VIPR1: variants seen among roughly 807,000 people sequenced by gnomAD.
VIPR1 encodes the protein vasoactive intestinal peptide receptor 1, also known as vasoactive intestinal polypeptide receptor 1.
Under a neutral mutation model 58.8 loss-of-function variants are expected in VIPR1, and 59 were observed. The observed-to-expected ratio is 1.00, with a 90% CI of 0.81 to 1.25. VIPR1 has a LOEUF of 1.25. Ranked by LOEUF, VIPR1 falls within the 50% of genes most tolerant of loss-of-function variation. The pLI, the probability that VIPR1 is intolerant of heterozygous loss-of-function variation, is 0.00. For missense variants in VIPR1, 626 were observed against 602.7 expected (o/e 1.04, Z -0.40); for synonymous variants, 251 against 242.1 (o/e 1.04, Z -0.34).
chr3:42,513,960 G>T, intron 2 of VIPR1, 106 bp downstream of exon 2: 2 of 1,273,086 alleles, frequency 1.6e-6, no homozygotes, highest in Non-Finnish European at 2.2e-6. Flanking sequence ...TTTATTGGAT[G>T]ATGGTGAGGA....
chr3:42,522,410 A>C (rs1185346768), intron 3 of VIPR1, among the ~76,000 whole-genome samples: 2 of 152,066 alleles, frequency 1.3e-5, no homozygotes, highest in Non-Finnish European at 2.9e-5. Context: ...CCTGGCCTCT[A>C]CTTTCAAATA....
At chr3:42,511,718 G>C (rs941770596) in intron 1 of VIPR1, 1 of 152,216 alleles carries the variant, frequency 6.6e-6, no homozygotes, top group Non-Finnish European at 1.5e-5. Context: ...ATGGTACCTT[G>C]GTGAGAAATG....
chr3:42,532,202 T>C, intron 9 of VIPR1, 40 bp from the exon 10 acceptor site: 1 of 1,599,726 alleles, frequency 6.3e-7, no homozygotes, highest in African/African-American at 1.3e-5. Flanking sequence ...ACCTCAGCCT[T>C]CCCGCTCTGA....
At position 42,527,461 on chromosome 3, in the gene VIPR1, C is replaced by A; in HGVS notation, c.468C>A (p.Thr156=). 6 of 1,614,030 alleles carry A rather than the reference C, an allele frequency of 3.7e-6. No individual in the cohort carries two copies. The highest frequency in any genetic ancestry group is 4.2e-6 in the Non-Finnish European group (5 of 1,179,980). Reference sequence around the variant, plus strand: ...TTGGCTACGGCCTGTCCCTCGCCACCCTTCTGGTCGCCACAGCTATCCTGA... The same window carrying A: ...TTGGCTACGGCCTGTCCCTCGCCACACTTCTGGTCGCCACAGCTATCCTGA... ...YTIGYGLSLA[T]LLVATAILSL... is the part of the protein sequence containing the mutation. The change falls in exon 5 of 13, where the codon ACC becomes ACA. Residue 156 remains threonine, a synonymous_variant. Transcript: ENST00000325123.
At chr3:42,510,163 G>A (rs1309792989) in intron 1 of VIPR1, among the ~76,000 whole-genome samples, 1 of 152,184 alleles carries the variant, frequency 6.6e-6, no homozygotes, top group Non-Finnish European at 1.5e-5. Flanking sequence ...TCACAGCCTT[G>A]CATGTATTAG....
At chr3:42,505,257 A>G (rs1265029797) in intron 1 of VIPR1, among the ~76,000 whole-genome samples, 1 of 152,226 alleles carries the variant, frequency 6.6e-6, no homozygotes, top group Non-Finnish European at 1.5e-5. Context: ...TGCCCTAAAG[A>G]GTTTGACCAG....
intron 6 of VIPR1, 175 bp downstream of exon 6, chr3:42,528,298 A>C: frequency 3.7e-6 from 3 of 817,166 alleles, no homozygotes; most frequent in East Asian, 2.8e-5. Context: ...TACTCAAATC[A>C]CACTCCCCTC....
Position 42,504,748 on chromosome 3 carries a change from G to A in VIPR1, c.78+1935G>A, listed in dbSNP as rs185742082. On this transcript the variant is annotated intron_variant, in intron 1 of 12. Coordinates refer to ENST00000325123, the MANE Select transcript of VIPR1 (RefSeq NM_004624.4). ...GGGCAAACCTGCTCTAGCCGGACTC[G>A]GTGTGACGGCGGGGTGGGGGGGCGG... Among the ~76,000 whole-genome samples the A allele has an allele frequency of 2.4e-4, 35 of 144,594 alleles. 1 individual carries two copies. The highest frequency in any genetic ancestry group is 6.9e-3 in the Middle Eastern group (2 of 288). 94.9% of individuals were successfully genotyped at this position (144,594 alleles called of 152,430 possible).
intron 2 of VIPR1, among the ~76,000 whole-genome samples, chr3:42,518,379 C>A (rs1700737693): frequency 6.6e-6 from 1 of 152,154 alleles, no homozygotes; most frequent in South Asian, 2.1e-4. Context: ...AAAATACAAT[C>A]TTCCCTCCCT....
At chr3:42,528,202 C>T (rs1023406678) in intron 6 of VIPR1, 79 bp downstream of exon 6, 1 of 1,536,192 alleles carries the variant, frequency 6.5e-7, no homozygotes, top group Non-Finnish European at 8.8e-7. Context: ...TCTCCCCCTG[C>T]TTCTCCCTCT....
At chr3:42,512,784 G>A in intron 1 of VIPR1, 1 of 985,452 alleles carries the variant, frequency 1.0e-6, no homozygotes, top group Non-Finnish European at 1.2e-6. Flanking sequence ...GGGTTGCCGG[G>A]GCCAGCAACC....
chr3:42,527,858 C>T, intron 5 of VIPR1, 133 bp from the exon 6 acceptor site: 1 of 1,303,400 alleles, frequency 7.7e-7, no homozygotes, highest in Non-Finnish European at 1.1e-6. Flanking sequence ...GATGGGATCC[C>T]CTTTGAGGCG....
chr3:42,527,461 C>T lies in VIPR1; in HGVS notation c.468C>T (p.Thr156=), dbSNP rs1701294301. 1 of 1,614,030 alleles carries T rather than the reference C, an allele frequency of 6.2e-7. No individual in the cohort carries two copies. The highest frequency in any genetic ancestry group is 8.5e-7 in the Non-Finnish European group (1 of 1,179,980). Residue 156 remains threonine (T), a synonymous_variant, in exon 5 of 13, where the codon ACC becomes ACT. Coordinates refer to ENST00000325123, the MANE Select transcript of VIPR1 (RefSeq NM_004624.4). The part of the protein sequence containing the change: ...YTIGYGLSLA[T]LLVATAILSL... ...TTGGCTACGGCCTGTCCCTCGCCAC[C>T]CTTCTGGTCGCCACAGCTATCCTGA...
chr3:42,532,675 T>C (rs1701634274), intron 10 of VIPR1: 1 of 385,706 alleles, frequency 2.6e-6, no homozygotes, highest in Admixed American at 3.7e-5. Flanking sequence ...GTGCCTCACA[T>C]GGAAAAAGGG....
intron 2 of VIPR1, among the ~76,000 whole-genome samples, chr3:42,517,048 G>A (rs777763715): frequency 2.6e-5 from 4 of 152,212 alleles, no homozygotes; most frequent in Non-Finnish European, 5.9e-5. Context: ...GGCCACAAGA[G>A]CCCTCAAGAC....
In VIPR1 at chr3:42,536,418, TC is replaced by T; in HGVS notation, c.*138del. The T allele has an allele frequency of 1.0e-6, 1 of 954,934 alleles. No individual in the cohort carries two copies. The allele number at this position is 954,934 out of a possible 1,614,324, so 59.2% of individuals were successfully genotyped here. A position where few individuals can be genotyped will look rare whatever the true frequency, so the allele number is the denominator to read the frequency against. On this transcript the variant is annotated 3_prime_UTR_variant, in exon 13 of 13. Coordinates refer to ENST00000325123, the MANE Select transcript of VIPR1 (RefSeq NM_004624.4). ...GGAGGCTGCCCCCGGCCCCCTGGTC[TC>T]TGGTCCGGACACTCCTAGAGAACGC...
At chr3:42,494,498 A>G (rs1446757442) in intron 1 of VIPR1, among the ~76,000 whole-genome samples, 2 of 152,196 alleles carry the variant, frequency 1.3e-5, no homozygotes, top group African/African-American at 2.4e-5. Flanking sequence ...ATATTTCTCT[A>G]GAAAAGCACC....
chr3:42,500,591 C>A (rs547835927), upstream of VIPR1, among the ~76,000 whole-genome samples: 1 of 152,260 alleles, frequency 6.6e-6, no homozygotes, highest in Non-Finnish European at 1.5e-5. Context: ...CTCTTCACAT[C>A]TAGGGCTCCT....
Position 42,534,760 on chromosome 3 carries a change from C to T in VIPR1, c.1011-215C>T, listed in dbSNP as rs976444901. On this transcript the variant is annotated intron_variant, in intron 10 of 12. Coordinates refer to ENST00000325123, the MANE Select transcript of VIPR1 (RefSeq NM_004624.4). ...TTTCTTTCTCTCTCATGCTTCCCTC[C>T]AGGCCAGGAGGGCTGGGGGCAGAAG... 5.7e-6 allele frequency: 3 copies of T among 522,960 alleles called. No individual in the cohort carries two copies. In the South Asian group the frequency reaches 7.7e-5, roughly 13 times the overall value. The allele number at this position is 522,960 out of a possible 1,614,324, so 32.4% of individuals were successfully genotyped here.
Sources: allele counts gnomAD v4.1 joint callset (sites outside exome capture counted in the v4.1 genomes callset), GRCh38; gene constraint gnomAD v4.1.1; transcripts MANE v1.5; gene names NCBI Gene and HGNC (gene_info 2026-07-23, HGNC 2026-07-21).